SIRPA: variants seen among roughly 807,000 people sequenced by gnomAD.
The protein encoded by SIRPA is tyrosine-protein phosphatase non-receptor type substrate 1.
Under a neutral mutation model 50.3 loss-of-function variants are expected in SIRPA, and 9 were observed. The ratio of observed to expected loss-of-function variants is 0.18; its 90% CI spans 0.11 to 0.31. SIRPA has a LOEUF of 0.31. Ranked by LOEUF, SIRPA falls within the 10% of genes least tolerant of loss-of-function variation. The probability of loss-of-function intolerance (pLI) is 1.00; values close to 1 mark genes in which losing one functional copy is unlikely to be tolerated. For missense variants in SIRPA, 474 were observed against 661.6 expected, an observed-to-expected ratio of 0.72 and a Z score of 3.11; for synonymous variants, 265 against 284.1, an observed-to-expected ratio of 0.93 and a Z score of 0.68.
At chr20:1,912,442 CCAA>C (rs1262024157) in intron 1 of SIRPA, among the ~76,000 whole-genome samples, 1 of 152,242 alleles carries the variant, frequency 6.6e-6, no homozygotes, top group African/African-American at 2.4e-5. Flanking sequence ...GGTCATGGAG[CCAA>C]CGACATCCTT....
At chr20:1,901,416 C>T (rs564510308) in intron 1 of SIRPA, among the ~76,000 whole-genome samples, 1 of 152,146 alleles carries the variant, frequency 6.6e-6, no homozygotes, top group African/African-American at 2.4e-5. Context: ...GGTGATCCTC[C>T]CGCCTCGGCC....
chr20:1,936,275 A>T lies in SIRPA; in HGVS notation c.1267-1045A>T, dbSNP rs116444010. Among the ~76,000 whole-genome samples the T allele has an allele frequency of 0.012, 1,874 of 152,326 alleles. 43 individuals are homozygous for T. Among genetic ancestry groups the T allele is most frequent in the African/African-American group, 0.043 (1,781 of 41,564 alleles). ...GCAGTGGCAGGTTGATAGGATTAGC[A>T]CATGGGAGGTATCCAAGTTTGCTAA... On this transcript the variant is annotated intron_variant, in intron 7 of 7. Transcript: ENST00000358771. The surrounding 1 kb of genome is among the most constrained non-coding windows in gnomAD (Gnocchi z 4.2).
In SIRPA at chr20:1,933,847, C is replaced by CA. The variant is rs1986428046; in HGVS notation, c.1227-866dup. On this transcript the variant is annotated intron_variant, in intron 6 of 7. Transcript: ENST00000358771. This position sits in a 1 kb window ranked among gnomAD's most constrained non-coding sequence, Gnocchi z 4.4. ...CCTTGACCGTGACCCTCCAGTGAGTCAAGTCATGACCTCCAATTACAGAAG... is the reference window on the plus strand; with the variant it reads ...CCTTGACCGTGACCCTCCAGTGAGTCAAAGTCATGACCTCCAATTACAGAAG... 6.6e-6 allele frequency among the ~76,000 whole-genome samples: 1 copy of CA among 152,216 alleles called. No homozygotes were observed. The highest frequency in any genetic ancestry group is 1.5e-5 in the Non-Finnish European group (1 of 68,038).
chr20:1,900,091 C>CT (rs1293410630), intron 1 of SIRPA, among the ~76,000 whole-genome samples: 48 of 138,688 alleles, frequency 3.5e-4, no homozygotes, highest in Middle Eastern at 3.8e-3. Flanking sequence ...TTCCTTGTAG[C>CT]TTTTTTTTTT....
intron 6 of SIRPA, among the ~76,000 whole-genome samples, chr20:1,929,660 G>A (rs1450939178): frequency 1.3e-5 from 2 of 152,080 alleles, no homozygotes; most frequent in Admixed American, 6.5e-5. Context: ...TCTGAGCCCT[G>A]CCCAGCCTCC....
At chr20:1,921,030 G>A (rs2123143521) in intron 2 of SIRPA, among the ~76,000 whole-genome samples, 1 of 152,334 alleles carries the variant, frequency 6.6e-6, no homozygotes, top group South Asian at 2.1e-4. Flanking sequence ...CTCTGAGGTT[G>A]GCACTGTTGC....
At position 1,937,161 on chromosome 20, in the gene SIRPA, T is replaced by C. The variant is rs1048158256; in HGVS notation, c.1267-159T>C. 2.0e-5 allele frequency among the ~76,000 whole-genome samples: 3 copies of C among 151,850 alleles called. No homozygotes were observed. The highest frequency in any genetic ancestry group is 4.4e-5 in the Non-Finnish European group (3 of 67,954). On this transcript the variant is annotated intron_variant, in intron 7 of 7. Coordinates refer to ENST00000358771, the MANE Select transcript of SIRPA (RefSeq NM_001040023.2). The surrounding 1 kb of genome is among the most constrained non-coding windows in gnomAD (Gnocchi z 8.3). ...GGGAAGGGGCAAGGCTGGAGGCAAG[T>C]AACGTTGGCAAGAGATGAGGGGAAC... is the stretch of plus-strand genomic sequence containing the variant.
At chr20:1,922,245 C>T (rs1050069608) in intron 3 of SIRPA, 68 bp from the exon 4 acceptor site, 9 of 1,596,810 alleles carry the variant, frequency 5.6e-6, no homozygotes, top group Non-Finnish European at 7.7e-6. Flanking sequence ...GGGGGAGCTA[C>T]GTTATGGAGC....
intron 1 of SIRPA, among the ~76,000 whole-genome samples, chr20:1,910,199 G>A (rs1440242564): frequency 6.6e-6 from 1 of 152,150 alleles, no homozygotes; most frequent in East Asian, 1.9e-4. Context: ...CCTTAGCTCA[G>A]GGCCTGGCAC....
chr20:1,904,728 T>C (rs1984445029), intron 1 of SIRPA, among the ~76,000 whole-genome samples: 1 of 152,174 alleles, frequency 6.6e-6, no homozygotes, highest in Admixed American at 6.5e-5. Flanking sequence ...TGGAACCCAC[T>C]CCTCTGCCCC....
intron 2 of SIRPA, among the ~76,000 whole-genome samples, chr20:1,916,399 A>C (rs6111968): frequency 0.23 from 34,544 of 152,030 alleles, 4,277 homozygotes; most frequent in African/African-American, 0.33. Context: ...CAGGATCTGG[A>C]CCAGAGCCCA....
At chr20:1,918,904 T>C (rs1985476389) in intron 2 of SIRPA, among the ~76,000 whole-genome samples, 1 of 152,156 alleles carries the variant, frequency 6.6e-6, no homozygotes, top group Non-Finnish European at 1.5e-5. Context: ...ACATCCCAGC[T>C]CTGCCACCTC....
chr20:1,930,489 C>A (rs1336491890), intron 6 of SIRPA, among the ~76,000 whole-genome samples: 1 of 152,264 alleles, frequency 6.6e-6, no homozygotes, highest in African/African-American at 2.4e-5. Context: ...CACTGTAGCA[C>A]GTCCCACTCT....
At chr20:1,910,557 C>T (rs537316549) in intron 1 of SIRPA, among the ~76,000 whole-genome samples, 13 of 152,200 alleles carry the variant, frequency 8.5e-5, no homozygotes, top group South Asian at 8.3e-4. Context: ...ATTTATCGAG[C>T]GTCTACACTG....
In SIRPA at chr20:1,936,366, C is replaced by A. The variant is rs77453896; in HGVS notation, c.1267-954C>A. On this transcript the variant is annotated intron_variant, in intron 7 of 7. Transcript: ENST00000358771. The surrounding 1 kb of genome is among the most constrained non-coding windows in gnomAD (Gnocchi z 4.2). Reference sequence around the variant, plus strand: ...AATAGGTACCAGGCTCTGTTCTAAACGCTTTACCTGGATAATCTCATTCCA... The same window carrying A: ...AATAGGTACCAGGCTCTGTTCTAAAAGCTTTACCTGGATAATCTCATTCCA... 6.6e-6 allele frequency among the ~76,000 whole-genome samples: 1 copy of A among 152,154 alleles called. No individual in the cohort carries two copies. The highest frequency in any genetic ancestry group is 2.1e-4 in the South Asian group (1 of 4,830).
intron 1 of SIRPA, among the ~76,000 whole-genome samples, chr20:1,911,959 A>C (rs1406794832): frequency 2.6e-5 from 4 of 152,142 alleles, no homozygotes; most frequent in South Asian, 2.1e-4. Flanking sequence ...AAAAAAAAAA[A>C]AACCCCTCTC....
upstream of SIRPA, chr20:1,895,283 C>CGCG (rs926889796): frequency 5.0e-4 from 221 of 440,996 alleles, 1 homozygote; most frequent in South Asian, 2.1e-3. Context: ...CTCCAAAAAC[C>CGCG]GCGGCGGCGG....
rs1157641885 is a variant in SIRPA at position 1,895,416 on chromosome 20, C to A, written c.-32C>A. ...TCCCGCCCGAGCGCGCACTCACGGCCGCTCTCCCTCCTCGCTCCGCAGCCG... is the reference window on the plus strand; with the variant it reads ...TCCCGCCCGAGCGCGCACTCACGGCAGCTCTCCCTCCTCGCTCCGCAGCCG... On this transcript the variant is annotated 5_prime_UTR_variant, in exon 1 of 8. Coordinates refer to ENST00000358771, the MANE Select transcript of SIRPA (RefSeq NM_001040023.2). 1.3e-5 allele frequency: 17 copies of A among 1,342,216 alleles called. No homozygotes were observed. The highest frequency in any genetic ancestry group is 1.7e-5 in the South Asian group (1 of 59,262). 83.1% of individuals were successfully genotyped at this position (1,342,216 alleles called of 1,614,324 possible). A position where few individuals can be genotyped will look rare whatever the true frequency, so the allele number is the denominator to read the frequency against.
rs1256197132 is a variant in SIRPA, at chr20:1,934,943, G to T, written c.1266+189G>T. Among the ~76,000 whole-genome samples, 1 of 152,150 alleles carries T rather than the reference G, an allele frequency of 6.6e-6. No individual in the cohort carries two copies. Among genetic ancestry groups the T allele is most frequent in the African/African-American group, 2.4e-5 (1 of 41,428 alleles). ...TCTACTGCAGCCAAGAGTGGCTGTT[G>T]CAGCCTCATGACTCAGTGCGACCCA... On this transcript the variant is annotated intron_variant, in intron 7 of 7. Coordinates refer to ENST00000358771, the MANE Select transcript of SIRPA (RefSeq NM_001040023.2). This position sits in a 1 kb window ranked among gnomAD's most constrained non-coding sequence, Gnocchi z 4.6.
Sources: allele counts gnomAD v4.1 joint callset (sites outside exome capture counted in the v4.1 genomes callset), GRCh38; gene constraint gnomAD v4.1.1; non-coding constraint Gnocchi (gnomAD v3.1); transcripts MANE v1.5; gene names NCBI Gene and HGNC (gene_info 2026-07-23, HGNC 2026-07-21).